Variants in RSPH14 observed in about 807,000 individuals in gnomAD.
The protein encoded by RSPH14 is rhabdoid tumor deletion region gene 1.
RSPH14 carries 20 observed loss-of-function variants against 26.7 expected under a neutral mutation model. That is an observed-to-expected ratio of 0.75 (90% CI 0.53 to 1.09). The LOEUF is 1.09. Ranked by LOEUF, RSPH14 falls within the 50% of genes least tolerant of loss-of-function variation. RSPH14 has a pLI of 0.00. For missense variants in RSPH14, 449 were observed against 457.2 expected, an observed-to-expected ratio of 0.98 and a Z score of 0.16; for synonymous variants, 177 against 189.3, an observed-to-expected ratio of 0.93 and a Z score of 0.53.
chr22:23,164,746 G>A, the RSPH14 span, among the ~76,000 whole-genome samples: 1 of 152,036 alleles, frequency 6.6e-6, no homozygotes, highest in African/African-American at 2.4e-5. Context: ...ACCCTTTCCT[G>A]CTCTCTGTCC....
intron 1 of RSPH14, 36 bp from the exon 2 acceptor site, chr22:23,140,508 A>G: frequency 6.6e-7 from 1 of 1,522,950 alleles, no homozygotes; most frequent in South Asian, 1.2e-5. Flanking sequence ...TATTTCTATT[A>G]TGATTTAAAA....
At chr22:23,130,476 G>C (rs185130284) in intron 4 of RSPH14, among the ~76,000 whole-genome samples, 461 of 7,862 alleles carry the variant, frequency 0.059, 3 homozygotes, top group Admixed American at 0.09. Flanking sequence ...AAAAAGAAAA[G>C]AGAAAGAAAG....
intron 4 of RSPH14, chr22:23,122,987 C>A: frequency 1.3e-6 from 1 of 780,864 alleles, no homozygotes; most frequent in Non-Finnish European, 2.2e-6. Context: ...CAGTCTTGGG[C>A]TGAGACCCTA....
intron 4 of RSPH14, among the ~76,000 whole-genome samples, chr22:23,085,999 G>T (rs2068808691): frequency 6.6e-6 from 1 of 152,240 alleles, no homozygotes; most frequent in Non-Finnish European, 1.5e-5. Flanking sequence ...GCCTTGCCTG[G>T]CCCCTCGGCA....
chr22:23,115,622 G>A (rs1168772542), intron 4 of RSPH14, among the ~76,000 whole-genome samples: 1 of 152,192 alleles, frequency 6.6e-6, no homozygotes, highest in Non-Finnish European at 1.5e-5. Context: ...ACACCTCAGT[G>A]ATGCCTCGGT....
chr22:23,080,545 A>G (rs1240801221), intron 4 of RSPH14, among the ~76,000 whole-genome samples: 3 of 152,212 alleles, frequency 2.0e-5, no homozygotes, highest in Non-Finnish European at 4.4e-5. Flanking sequence ...AGGCAAAGAA[A>G]GGAGGACCTG....
chr22:23,070,541 T>A (rs1203451358), intron 4 of RSPH14: 1 of 150,422 alleles, frequency 6.6e-6, no homozygotes, highest in Non-Finnish European at 1.5e-5. Flanking sequence ...CCGGAGCAGC[T>A]CGGCAGATGC....
intron 4 of RSPH14, among the ~76,000 whole-genome samples, chr22:23,086,346 G>A (rs979422073): frequency 6.6e-6 from 1 of 152,180 alleles, no homozygotes; most frequent in Non-Finnish European, 1.5e-5. Context: ...CCGTAAAGCC[G>A]AGGCCACCTC....
chr22:23,120,530 C>T (rs2069986743), intron 4 of RSPH14, among the ~76,000 whole-genome samples: 1 of 152,158 alleles, frequency 6.6e-6, no homozygotes, highest in South Asian at 2.1e-4. Flanking sequence ...CCTCCTCTTA[C>T]CTAAATTCCA....
upstream of RSPH14, among the ~76,000 whole-genome samples, chr22:23,142,861 C>T (rs963665955): frequency 2.6e-5 from 4 of 152,258 alleles, no homozygotes; most frequent in African/African-American, 9.6e-5. Context: ...GTCCAAACTC[C>T]TAGCCTAGTG....
At position 23,109,398 on chromosome 22, in the gene RSPH14, T is replaced by C. The variant is rs531948051; in HGVS notation, c.421+24628A>G. ...CCTGCCTTGTTAAGGGATCAGCTGC[T>C]GCTCCTCTCAGGTCTTTTTGGGAGT... On this transcript the variant is annotated intron_variant, in intron 4 of 6. Coordinates refer to ENST00000216036, the MANE Select transcript of RSPH14 (RefSeq NM_014433.3). 3.3e-5 allele frequency among the ~76,000 whole-genome samples: 5 copies of C among 152,290 alleles called. No homozygotes were observed. The South Asian group carries it at 6.2e-4, about 19-fold the overall frequency.
upstream of RSPH14, among the ~76,000 whole-genome samples, chr22:23,148,426 A>C (rs1267731726): frequency 6.6e-6 from 1 of 152,214 alleles, no homozygotes; most frequent in Admixed American, 6.5e-5. Flanking sequence ...GGCGAGGATC[A>C]GAGTTAAGGA....
At chr22:23,139,334 G>T (rs887609823) in intron 2 of RSPH14, among the ~76,000 whole-genome samples, 1 of 152,242 alleles carries the variant, frequency 6.6e-6, no homozygotes, top group South Asian at 2.1e-4. Flanking sequence ...TAAAAATCCA[G>T]CTTTGGCCAG....
At chr22:23,172,285 G>A in the RSPH14 span, among the ~76,000 whole-genome samples, 1 of 151,966 alleles carries the variant, frequency 6.6e-6, no homozygotes, top group East Asian at 1.9e-4. Flanking sequence ...TATAGTGATG[G>A]TGCGCGTATA....
the RSPH14 span, chr22:23,161,633 G>A: frequency 5.3e-6 from 7 of 1,318,066 alleles, no homozygotes; most frequent in Admixed American, 2.0e-5. Flanking sequence ...ACTGTGGTGT[G>A]GAGACTGGAG....
upstream of RSPH14, among the ~76,000 whole-genome samples, chr22:23,142,608 G>A (rs2070622942): frequency 6.6e-6 from 1 of 152,236 alleles, no homozygotes. Flanking sequence ...AAAATGCTAG[G>A]ATTACAGGCG....
At chr22:23,099,565 G>C (rs550951921) in intron 4 of RSPH14, among the ~76,000 whole-genome samples, 1 of 152,348 alleles carries the variant, frequency 6.6e-6, no homozygotes, top group East Asian at 1.9e-4. Context: ...ACAGATCGAG[G>C]CACTGAGGCT....
chr22:23,177,185 C>T, the RSPH14 span, among the ~76,000 whole-genome samples: 1 of 152,228 alleles, frequency 6.6e-6, no homozygotes, highest in African/African-American at 2.4e-5. Context: ...TTTGAAGCCT[C>T]CTTGTCCTTT....
chr22:23,140,199 C>T (rs1413357008), intron 2 of RSPH14, 23 bp downstream of exon 2: 1 of 1,611,316 alleles, frequency 6.2e-7, no homozygotes, highest in African/African-American at 1.3e-5. Context: ...CAGTCATGGT[C>T]ACCTGTGCTG....
Sources: allele counts gnomAD v4.1 joint callset (sites outside exome capture counted in the v4.1 genomes callset), GRCh38; gene constraint gnomAD v4.1.1; transcripts MANE v1.5; gene names NCBI Gene and HGNC (gene_info 2026-07-23, HGNC 2026-07-21).